PNKD: variants seen among roughly 807,000 people sequenced by gnomAD.
The protein encoded by PNKD is probable thioesterase PNKD.
Under a neutral mutation model 45.3 loss-of-function variants are expected in PNKD, and 36 were observed. The ratio of observed to expected loss-of-function variants is 0.80; its 90% CI spans 0.61 to 1.05. The LOEUF is 1.05. Among genes scored for constraint, PNKD ranks in the 50% least tolerant of loss-of-function variants. The pLI, the probability that PNKD is intolerant of heterozygous loss-of-function variation, is 0.00. For synonymous variants in PNKD, 197 were observed against 210.1 expected, an observed-to-expected ratio of 0.94 and a Z score of 0.54; for missense variants, 511 against 506.6, an observed-to-expected ratio of 1.01 and a Z score of -0.08.
chr2:218,323,171 T>C, intron 2 of PNKD: 2 of 1,370,388 alleles, frequency 1.5e-6, no homozygotes, highest in South Asian at 1.6e-5. Context: ...CGCCCCCACG[T>C]CCAGAGCCGG....
intron 2 of PNKD, among the ~76,000 whole-genome samples, chr2:218,311,236 C>G (rs1390667951): frequency 6.6e-6 from 1 of 152,154 alleles, no homozygotes; most frequent in Non-Finnish European, 1.5e-5. Context: ...CCTCAGGGTT[C>G]CTATCTGTGT....
chr2:218,279,993 C>A, intron 2 of PNKD: 5 of 1,587,320 alleles, frequency 3.1e-6, no homozygotes, highest in Non-Finnish European at 4.3e-6. Context: ...CTGAGGGGCC[C>A]CAGGTACACC....
At chr2:218,305,525 A>C (rs1351886741) in intron 2 of PNKD, among the ~76,000 whole-genome samples, 2 of 149,390 alleles carry the variant, frequency 1.3e-5, no homozygotes, top group Admixed American at 1.3e-4. Context: ...TTTTTTTTTT[A>C]ATTTTTTGTA....
intron 2 of PNKD, among the ~76,000 whole-genome samples, chr2:218,298,835 C>A (rs938624270): frequency 6.6e-6 from 1 of 152,196 alleles, no homozygotes; most frequent in Non-Finnish European, 1.5e-5. Flanking sequence ...TCTTGCCCCC[C>A]ACCTAGGAAG....
chr2:218,309,442 AAG>A (rs1693533881), intron 2 of PNKD, among the ~76,000 whole-genome samples: 1 of 148,718 alleles, frequency 6.7e-6, no homozygotes, highest in African/African-American at 2.5e-5. Flanking sequence ...AAAAAAAGGA[AAG>A]AAAAGGAGAA....
intron 2 of PNKD, among the ~76,000 whole-genome samples, chr2:218,339,488 A>G (rs996777225): frequency 2.0e-5 from 3 of 151,492 alleles, no homozygotes; most frequent in Admixed American, 6.6e-5. Flanking sequence ...GGCCTCCCAA[A>G]GTTCTGGGAT....
intron 2 of PNKD, chr2:218,275,959 G>A: frequency 6.5e-7 from 1 of 1,542,744 alleles, no homozygotes; most frequent in African/African-American, 1.4e-5. Flanking sequence ...CTAAATTCAT[G>A]CCCCCTTCCC....
intron 2 of PNKD, among the ~76,000 whole-genome samples, chr2:218,316,035 C>T (rs895221533): frequency 3.3e-5 from 5 of 152,170 alleles, no homozygotes; most frequent in African/African-American, 1.2e-4. Flanking sequence ...CTTTCATCTC[C>T]CTTAGACCAG....
At chr2:218,318,330 GC>G (rs3839052) in intron 2 of PNKD, 84,193 of 152,144 alleles carry the variant, frequency 0.55, 23,736 homozygotes, top group South Asian at 0.63. Context: ...CCTTGGCAGT[GC>G]GCCTCAAGCT....
chr2:218,299,795 A>G (rs956274552), intron 2 of PNKD, among the ~76,000 whole-genome samples: 6 of 150,532 alleles, frequency 4.0e-5, no homozygotes, highest in Non-Finnish European at 8.9e-5. Context: ...CTAATTTTGT[A>G]TTTTTAGTAG....
Position 218,340,730 on chromosome 2 carries a change from T to C in PNKD, c.468T>C (p.Ala156=). The change falls in exon 5 of 10, where the codon GCT becomes GCC. Residue 156 remains alanine, a splice_region_variant and synonymous_variant. Transcript: ENST00000273077. This position sits in a 1 kb window ranked among gnomAD's most constrained non-coding sequence, Gnocchi z 4.2. ...VDPSDPRAVQ[A]SIEKEGVTLV... is the part of the protein sequence containing the mutation. Reference sequence around the variant, plus strand: ...TCCAAACCTCCTCTCTCTCGCAGGCTTCCATTGAAAAGGAAGGGGTCACCT... The same window carrying C: ...TCCAAACCTCCTCTCTCTCGCAGGCCTCCATTGAAAAGGAAGGGGTCACCT... The C allele has an allele frequency of 6.2e-7, 1 of 1,613,608 alleles. No homozygotes were observed. The highest frequency in any genetic ancestry group is 1.3e-5 in the African/African-American group (1 of 75,020).
At chr2:218,286,958 A>C (rs1574658099) in intron 2 of PNKD, 1 of 152,114 alleles carries the variant, frequency 6.6e-6, no homozygotes, top group African/African-American at 2.4e-5. Context: ...CTTTTCCTTT[A>C]TCTGCCCCCA....
intron 2 of PNKD, chr2:218,286,763 G>T (rs561419218): frequency 8.5e-5 from 13 of 152,442 alleles, no homozygotes; most frequent in African/African-American, 2.9e-4. Context: ...GTTACAGCAA[G>T]AGGAGAGTAT....
At chr2:218,295,325 A>G (rs1218978955) in intron 2 of PNKD, among the ~76,000 whole-genome samples, 1 of 152,248 alleles carries the variant, frequency 6.6e-6, no homozygotes, top group Non-Finnish European at 1.5e-5. Flanking sequence ...CCTGCTCTCA[A>G]GAAACTCACA....
chr2:218,284,641 G>C (rs1268546218), intron 2 of PNKD, among the ~76,000 whole-genome samples: 1 of 152,222 alleles, frequency 6.6e-6, no homozygotes, highest in Non-Finnish European at 1.5e-5. Context: ...GCAGTTTCCA[G>C]GCCAGTCCTT....
intron 2 of PNKD, chr2:218,278,085 C>G: frequency 7.8e-7 from 1 of 1,286,164 alleles, no homozygotes; most frequent in Non-Finnish European, 1.1e-6. Context: ...TAAGCCTTGA[C>G]TCCAAGGAGG....
chr2:218,337,531 G>A (rs1020035365), intron 2 of PNKD, among the ~76,000 whole-genome samples: 3 of 152,188 alleles, frequency 2.0e-5, no homozygotes, highest in Admixed American at 2.0e-4. Flanking sequence ...AAGCAAGAAA[G>A]GATGCAGCAG....
intron 2 of PNKD, among the ~76,000 whole-genome samples, chr2:218,320,574 T>TA (rs761231034): frequency 1.6e-4 from 25 of 151,958 alleles, no homozygotes; most frequent in African/African-American, 5.3e-4. Context: ...TCTCTATTTT[T>TA]AAAAAAAAGT....
At chr2:218,302,443 T>A (rs567678233) in intron 2 of PNKD, among the ~76,000 whole-genome samples, 246 of 150,556 alleles carry the variant, frequency 1.6e-3, no homozygotes, top group Non-Finnish European at 3.1e-3. Flanking sequence ...CCGTGGGGGG[T>A]GGTGGACAAT....
Sources: gnomAD v4.1 joint callset for allele counts (sites outside exome capture counted in the v4.1 genomes callset) on GRCh38, gnomAD v4.1.1 for gene constraint, Gnocchi (gnomAD v3.1) non-coding constraint, MANE v1.5 for transcripts, NCBI Gene and HGNC (gene_info 2026-07-23, HGNC 2026-07-21) for gene names.